Variants in CDC5L observed in about 807,000 individuals in gnomAD.
The protein encoded by CDC5L is cell division cycle 5 like.
In CDC5L, 18 loss-of-function variants were observed where a neutral mutation model predicts 104.1. That is an observed-to-expected ratio of 0.17 (90% CI 0.12 to 0.26). The LOEUF (loss-of-function observed/expected upper bound fraction) is 0.26, where lower values mean the gene tolerates loss of function less well. CDC5L is among the 10% of genes least tolerant of loss of function. The pLI is 1.00. For synonymous variants in CDC5L, 331 were observed against 322.7 expected, an observed-to-expected ratio of 1.03 and a Z score of -0.28; for missense variants, 673 against 956.9, an observed-to-expected ratio of 0.70 and a Z score of 3.91.
At chr6:44,387,990 G>C (rs1790411397) in intron 1 of CDC5L, 122 bp downstream of exon 1, 1 of 866,298 alleles carries the variant, frequency 1.2e-6, no homozygotes, top group African/African-American at 1.7e-5. Context: ...GGCAGCCCGG[G>C]GGCTGACCCT....
In CDC5L at chr6:44,393,189, T is replaced by A. The variant is rs9462988; in HGVS notation, c.312-257T>A. ...GTTTTTTTTTTTTTTTTTTTTTTTT[T>A]AAATTTGTATGGCTGTACCGCATTT... On this transcript the variant is annotated intron_variant, in intron 3 of 15. Coordinates refer to ENST00000371477, the MANE Select transcript of CDC5L (RefSeq NM_001253.4). 0.04 allele frequency among the ~76,000 whole-genome samples: 5,736 copies of A among 144,158 alleles called. 292 individuals carry two copies. Among genetic ancestry groups the A allele is most frequent in the African/African-American group, 0.13 (4,606 of 36,626 alleles). The allele number at this position is 144,158 out of a possible 152,430, so 94.6% of individuals were successfully genotyped here. A position where few individuals can be genotyped will look rare whatever the true frequency, so the allele number is the denominator to read the frequency against.
intron 5 of CDC5L, among the ~76,000 whole-genome samples, chr6:44,402,700 A>T (rs1057376979): frequency 6.6e-5 from 10 of 152,344 alleles, no homozygotes; most frequent in African/African-American, 2.4e-4. Context: ...ATTTTGATGG[A>T]CATCCTTCAT....
chr6:44,397,320 A>G (rs1445227774), intron 5 of CDC5L, among the ~76,000 whole-genome samples: 1 of 152,244 alleles, frequency 6.6e-6, no homozygotes, highest in East Asian at 1.9e-4. Context: ...TTCATAGTTC[A>G]ATAATTAGTC....
At chr6:44,435,181 A>C (rs911198854) in intron 14 of CDC5L, among the ~76,000 whole-genome samples, 1 of 144,682 alleles carries the variant, frequency 6.9e-6, no homozygotes, top group African/African-American at 2.6e-5. Context: ...TACATTTTTC[A>C]TTTAATAGTT....
chr6:44,422,793 C>T lies in CDC5L; in HGVS notation c.1388C>T (p.Ser463Phe). Reference sequence around the variant, plus strand: ...GGAATGGCAGACTATAGTGATCCCTCTTACGTGAAGCAGATGGTAAATGTC... The same window carrying T: ...GGAATGGCAGACTATAGTGATCCCTTTTACGTGAAGCAGATGGTAAATGTC... ...EDGMADYSDPSYVKQMERESR... is the reference protein window; with the variant it reads ...EDGMADYSDPFYVKQMERESR... Residue 463 changes from serine to phenylalanine, a missense_variant, in exon 10 of 16, where the codon TCT (serine) becomes TTT (phenylalanine). Ser to Phe is a radical substitution (Grantham distance 155, BLOSUM62 -2). Transcript: ENST00000371477. 6.2e-7 allele frequency: 1 copy of T among 1,604,836 alleles called. No homozygotes were observed. Among genetic ancestry groups the T allele is most frequent in the Non-Finnish European group, 8.5e-7 (1 of 1,176,864 alleles).
chr6:44,438,142 TTCACTC>T (rs1215394802), intron 14 of CDC5L, among the ~76,000 whole-genome samples: 1 of 152,168 alleles, frequency 6.6e-6, no homozygotes, highest in Non-Finnish European at 1.5e-5. Context: ...GAGACAGTGT[TTCACTC>T]TATTGTCCAG....
chr6:44,398,608 A>C (rs1209447344), intron 5 of CDC5L, among the ~76,000 whole-genome samples: 1 of 152,172 alleles, frequency 6.6e-6, no homozygotes, highest in Non-Finnish European at 1.5e-5. Flanking sequence ...TTTTTTATTG[A>C]TTATAAAAGT....
rs1316055972 is a variant in CDC5L, at chr6:44,446,818, G to GT, written c.*112dup. 1 of 585,032 alleles carries GT rather than the reference G, an allele frequency of 1.7e-6. No homozygotes were observed. The highest frequency in any genetic ancestry group is 3.0e-6 in the Non-Finnish European group (1 of 332,976). 36.2% of individuals were successfully genotyped at this position (585,032 alleles called of 1,614,324 possible). The stretch of plus-strand genomic sequence containing the variant: ...TTGACAAATTTACCCACCATCTGTG[G>GT]TTTTTCAGTTGTTTATTTTAAATGA... On this transcript the variant is annotated 3_prime_UTR_variant, in exon 16 of 16. Transcript: ENST00000371477.
At chr6:44,399,037 C>T (rs1192695099) in intron 5 of CDC5L, among the ~76,000 whole-genome samples, 2 of 152,246 alleles carry the variant, frequency 1.3e-5, no homozygotes, top group Non-Finnish European at 2.9e-5. Flanking sequence ...CACTGCAGCC[C>T]TGCACACCTG....
chr6:44,420,826 A>T (rs1458785102), intron 9 of CDC5L, among the ~76,000 whole-genome samples: 1 of 152,208 alleles, frequency 6.6e-6, no homozygotes, highest in Non-Finnish European at 1.5e-5. Flanking sequence ...CACATTTCAG[A>T]TAAGGGATAC....
rs372003824 is a variant in CDC5L at position 44,395,539 on chromosome 6, G to A, written c.440-802G>A. On this transcript the variant is annotated intron_variant, in intron 4 of 15. Coordinates refer to ENST00000371477, the MANE Select transcript of CDC5L (RefSeq NM_001253.4). ...TTTACCTTAGCAGGGTTGTTGTGAAGCACTCAGTGAATATTTGTTAAGTTT... is the reference window on the plus strand; with the variant it reads ...TTTACCTTAGCAGGGTTGTTGTGAAACACTCAGTGAATATTTGTTAAGTTT... 7.2e-5 allele frequency among the ~76,000 whole-genome samples: 11 copies of A among 152,344 alleles called. No homozygotes were observed. The East Asian group carries it at 1.5e-3, about 21-fold the overall frequency.
At chr6:44,392,896 A>G in intron 3 of CDC5L, 68 bp downstream of exon 3, 1 of 1,415,366 alleles carries the variant, frequency 7.1e-7, no homozygotes, top group South Asian at 1.3e-5. Context: ...ATAAACTTTG[A>G]GTATTTTCTG....
At chr6:44,446,210 TG>T (rs1401808720) in intron 15 of CDC5L, among the ~76,000 whole-genome samples, 1 of 152,234 alleles carries the variant, frequency 6.6e-6, no homozygotes, top group Admixed American at 6.5e-5. Context: ...AGTATCTTTT[TG>T]TTTTATACCT....
At chr6:44,396,472 T>C (rs1171151106) in intron 5 of CDC5L, 32 bp downstream of exon 5, 1 of 1,388,930 alleles carries the variant, frequency 7.2e-7, no homozygotes. Context: ...AAAAGCAAAG[T>C]GTTTTTCTCA....
chr6:44,403,918 GA>G lies in CDC5L; in HGVS notation c.656del (p.Lys219SerfsTer24). 1 of 1,613,206 alleles carries G rather than the reference GA, an allele frequency of 6.2e-7. No homozygotes were observed. Among genetic ancestry groups the G allele is most frequent in the Non-Finnish European group, 8.5e-7 (1 of 1,179,600 alleles). On this transcript the variant is annotated frameshift_variant, in exon 6 of 16. Coordinates refer to ENST00000371477, the MANE Select transcript of CDC5L (RefSeq NM_001253.4). LOFTEE classifies it high-confidence loss of function. The part of the protein sequence containing the change: ...GVDYNAEIPF[E>X]KKPALGFYDT... ...TGATTATAATGCCGAAATCCCATTTGAAAAAAAGCCTGCCCTTGGTTTTTAT... is the reference window on the plus strand; with the variant it reads ...TGATTATAATGCCGAAATCCCATTTGAAAAAAGCCTGCCCTTGGTTTTTAT...
chr6:44,408,457 A>T lies in CDC5L; in HGVS notation c.917A>T (p.Glu306Val), dbSNP rs1791477953. The T allele has an allele frequency of 1.2e-6, 2 of 1,611,130 alleles. No individual in the cohort carries two copies. The highest frequency in any genetic ancestry group is 1.7e-6 in the Non-Finnish European group (2 of 1,178,244). Residue 306 changes from glutamate (E) to valine (V), a missense_variant, in exon 8 of 16, where the codon GAA becomes GTA. Glu to Val is a moderately radical substitution (Grantham distance 121, BLOSUM62 -2). Around this residue, in one of 4 missense-constraint regions of CDC5L, gnomAD observed 578 missense variants for 737.0 expected, o/e 0.78. Coordinates refer to ENST00000371477, the MANE Select transcript of CDC5L (RefSeq NM_001253.4). ...VLPAPQISDA[E>V]LQEVVKVGQA... ...GTGTCCTTTTAGATTTCAGATGCAG[A>T]ACTCCAGGAAGTTGTAAAAGTAGGC...
intron 13 of CDC5L, among the ~76,000 whole-genome samples, chr6:44,428,696 G>T (rs1030926694): frequency 6.6e-6 from 1 of 152,154 alleles, no homozygotes; most frequent in Non-Finnish European, 1.5e-5. Flanking sequence ...ACCCAGGCCT[G>T]TCCAGCTTTC....
At chr6:44,419,700 G>A (rs1792072466) in intron 9 of CDC5L, 103 bp downstream of exon 9, 1 of 867,686 alleles carries the variant, frequency 1.2e-6, no homozygotes, top group Non-Finnish European at 1.9e-6. Flanking sequence ...TATTGTGTTG[G>A]ATTTTCCTCT....
chr6:44,397,758 G>A (rs761344356), intron 5 of CDC5L, among the ~76,000 whole-genome samples: 13 of 152,156 alleles, frequency 8.5e-5, no homozygotes, highest in Non-Finnish European at 1.3e-4. Flanking sequence ...CAAATTTTAG[G>A]CCCTCATAGA....
Sources: allele counts gnomAD v4.1 joint callset (sites outside exome capture counted in the v4.1 genomes callset), GRCh38; gene constraint gnomAD v4.1.1; regional missense constraint gnomAD v4.1.1; transcripts MANE v1.5; gene names NCBI Gene and HGNC (gene_info 2026-07-23, HGNC 2026-07-21).